KLHL2: variants seen among roughly 807,000 people sequenced by gnomAD.
KLHL2 encodes kelch like family member 2.
Under a neutral mutation model 75.8 loss-of-function variants are expected in KLHL2, and 15 were observed. The observed-to-expected ratio is 0.20, with a 90% CI of 0.13 to 0.30. The LOEUF (loss-of-function observed/expected upper bound fraction) is 0.30, where lower values mean the gene tolerates loss of function less well. Among genes scored for constraint, KLHL2 ranks in the 10% least tolerant of loss-of-function variants. KLHL2 has a pLI of 1.00. For missense variants in KLHL2, 381 were observed against 741.0 expected (o/e 0.51, Z 5.64); for synonymous variants, 214 against 251.9 (o/e 0.85, Z 1.42).
chr4:165,293,318 C>T (rs1416919904), intron 5 of KLHL2, among the ~76,000 whole-genome samples: 1 of 152,030 alleles, frequency 6.6e-6, no homozygotes, highest in African/African-American at 2.4e-5. Context: ...ATCTTTTTTC[C>T]CCTTGGGAAG....
rs184424877 is a variant in KLHL2 at position 165,248,847 on chromosome 4, T to G, written c.381+9948T>G. ...ATTCAGCTATAAGTTACTTGGAGTG[T>G]GAGAGAGAAAAGTTTCATGAACAGT... is the stretch of plus-strand genomic sequence containing the variant. On this transcript the variant is annotated intron_variant, in intron 4 of 14. Coordinates refer to ENST00000226725, the MANE Select transcript of KLHL2 (RefSeq NM_007246.4). Among the ~76,000 whole-genome samples, 5 of 152,304 alleles carry G rather than the reference T, an allele frequency of 3.3e-5. No homozygotes were observed. In the East Asian group the frequency reaches 7.7e-4, roughly 23 times the overall value.
chr4:165,281,111 T>G (rs2051287497), intron 5 of KLHL2, among the ~76,000 whole-genome samples: 1 of 152,212 alleles, frequency 6.6e-6, no homozygotes, highest in South Asian at 2.1e-4. Flanking sequence ...GCATTGAGTA[T>G]AGAGGAATTG....
chr4:165,294,079 AC>A (rs1424116253), intron 5 of KLHL2, among the ~76,000 whole-genome samples: 1 of 152,174 alleles, frequency 6.6e-6, no homozygotes, highest in Non-Finnish European at 1.5e-5. Flanking sequence ...CTAAAATACC[AC>A]CATGTAAAAC....
chr4:165,279,886 C>T (rs1260127685), intron 5 of KLHL2, among the ~76,000 whole-genome samples: 10 of 152,204 alleles, frequency 6.6e-5, no homozygotes, highest in South Asian at 2.1e-4. Flanking sequence ...TATTTTGTTT[C>T]TCCTGCCATA....
intron 3 of KLHL2, among the ~76,000 whole-genome samples, chr4:165,238,332 G>A (rs1201357492): frequency 5.9e-5 from 9 of 152,176 alleles, no homozygotes; most frequent in African/African-American, 1.9e-4. Flanking sequence ...TGCCCCGGCA[G>A]GCATTTGTGT....
intron 5 of KLHL2, among the ~76,000 whole-genome samples, chr4:165,266,685 G>C (rs1317075630): frequency 1.3e-5 from 2 of 152,144 alleles, no homozygotes; most frequent in South Asian, 2.1e-4. Context: ...CTATATCTCT[G>C]TTTTGGTACC....
chr4:165,303,500 C>CCCCCCCCG (rs1553963744), intron 8 of KLHL2, among the ~76,000 whole-genome samples: 3 of 146,106 alleles, frequency 2.1e-5, no homozygotes, highest in African/African-American at 2.5e-5. Context: ...CCTTGCCCCC[C>CCCCCCCCG]CCGCCGTTTT....
At chr4:165,234,937 T>A (rs1392139053) in intron 3 of KLHL2, among the ~76,000 whole-genome samples, 1 of 152,090 alleles carries the variant, frequency 6.6e-6, no homozygotes, top group Non-Finnish European at 1.5e-5. Context: ...AGTTCAAGGC[T>A]GCAGTGAGCT....
At chr4:165,282,552 A>T (rs975514954) in intron 5 of KLHL2, among the ~76,000 whole-genome samples, 7 of 152,252 alleles carry the variant, frequency 4.6e-5, no homozygotes, top group African/African-American at 1.7e-4. Context: ...TTTGAGAAAG[A>T]CTGATGCACT....
In KLHL2 at chr4:165,287,325, G is replaced by T. The variant is rs566983360; in HGVS notation, c.545-7034G>T. Among the ~76,000 whole-genome samples the T allele has an allele frequency of 2.0e-5, 3 of 152,206 alleles. No individual in the cohort carries two copies. The East Asian group carries it at 5.8e-4, about 29-fold the overall frequency. ...GCTTCATCCATGTTGCATTGTGACA[G>T]GATTTCCTTCCTTTTTAAGGAATTG... On this transcript the variant is annotated intron_variant, in intron 5 of 14. Transcript: ENST00000226725.
At chr4:165,213,362 C>G (rs1737329620) in intron 1 of KLHL2, among the ~76,000 whole-genome samples, 1 of 152,230 alleles carries the variant, frequency 6.6e-6, no homozygotes, top group African/African-American at 2.4e-5. Flanking sequence ...CACAGCCTTT[C>G]ATCATTTTAT....
chr4:165,279,570 A>G (rs1477139472), intron 5 of KLHL2: 1 of 1,600,186 alleles, frequency 6.2e-7, no homozygotes, highest in African/African-American at 1.3e-5. Context: ...TTGAAAACCA[A>G]AAAGCGCGTG....
At chr4:165,227,116 T>C (rs6842924) in intron 2 of KLHL2, among the ~76,000 whole-genome samples, 12,730 of 152,178 alleles carry the variant, frequency 0.084, 598 homozygotes, top group Middle Eastern at 0.1. Context: ...ACTTTGTCAG[T>C]TCTCTAAAAT....
At chr4:165,223,231 C>G (rs570339838) in intron 2 of KLHL2, among the ~76,000 whole-genome samples, 1 of 152,210 alleles carries the variant, frequency 6.6e-6, no homozygotes, top group South Asian at 2.1e-4. Context: ...AGCTAATATG[C>G]CTGAAAGGCT....
chr4:165,287,699 A>T (rs1462875142), intron 5 of KLHL2, among the ~76,000 whole-genome samples: 1 of 152,090 alleles, frequency 6.6e-6, no homozygotes, highest in African/African-American at 2.4e-5. Flanking sequence ...TAGCCACCCT[A>T]ATGGGTGTGG....
intron 4 of KLHL2, among the ~76,000 whole-genome samples, chr4:165,246,604 C>T (rs72699595): frequency 0.2 from 30,747 of 152,002 alleles, 3,779 homozygotes; most frequent in Non-Finnish European, 0.29. Context: ...ATTTGCATGA[C>T]GGTATGGAGG....
At chr4:165,264,600 A>G (rs1741993996) in intron 5 of KLHL2, among the ~76,000 whole-genome samples, 1 of 144,364 alleles carries the variant, frequency 6.9e-6, no homozygotes, top group African/African-American at 2.6e-5. Context: ...ATATATATAT[A>G]TATATACACA....
intron 8 of KLHL2, among the ~76,000 whole-genome samples, chr4:165,303,921 G>C (rs1370140713): frequency 6.6e-6 from 1 of 151,570 alleles, no homozygotes; most frequent in Non-Finnish European, 1.5e-5. Flanking sequence ...TGTTGCCCAG[G>C]CTGAAGTGTA....
At chr4:165,307,127 A>T (rs1745794548) in intron 9 of KLHL2, among the ~76,000 whole-genome samples, 1 of 152,102 alleles carries the variant, frequency 6.6e-6, no homozygotes. Flanking sequence ...GGCCAACATG[A>T]TGAAACCCCT....
Sources: gnomAD v4.1 joint callset for allele counts (sites outside exome capture counted in the v4.1 genomes callset) on GRCh38, gnomAD v4.1.1 for gene constraint, MANE v1.5 for transcripts, NCBI Gene and HGNC (gene_info 2026-07-23, HGNC 2026-07-21) for gene names.